The following AGL variants were observed in gnomAD, a reference collection of about 807,000 sequenced individuals.
AGL encodes the protein glycogen debranching enzyme.
Under a neutral mutation model 199.3 loss-of-function variants are expected in AGL, and 128 were observed. That is an observed-to-expected ratio of 0.64 (90% CI 0.56 to 0.74). The LOEUF (loss-of-function observed/expected upper bound fraction) is 0.74, where lower values mean the gene tolerates loss of function less well. Among genes scored for constraint, AGL ranks in the 30% least tolerant of loss-of-function variants. AGL has a pLI of 0.00. For synonymous variants in AGL, 584 were observed against 594.7 expected (o/e 0.98, Z 0.26); for missense variants, 1,809 against 1,820.8 (o/e 0.99, Z 0.12).
rs780694207 is a variant in AGL, at chr1:99,864,520, C to T, written c.595C>T (p.Gln199Ter). The T allele has an allele frequency of 9.9e-6, 16 of 1,613,728 alleles. No individual in the cohort carries two copies. The highest frequency in any genetic ancestry group is 1.3e-5 in the Non-Finnish European group (15 of 1,179,814). ...AAAGTATACCTGGAATGATGTTGGA[C>T]AGCTAGTGGAAAAATTAAAAAAGGA... The part of the protein sequence containing the change: ...NRKYTWNDVG[Q>*]LVEKLKKEWN... Residue 199 changes from glutamine (Q) to a stop codon, truncating the protein, a stop_gained, in exon 5 of 34, where the codon CAG becomes TAG. Coordinates refer to ENST00000361915, the MANE Select transcript of AGL (RefSeq NM_000642.3). LOFTEE classifies it high-confidence loss of function.
intron 27 of AGL, among the ~76,000 whole-genome samples, chr1:99,907,249 C>A (rs1282052041): frequency 6.6e-6 from 1 of 152,096 alleles, no homozygotes; most frequent in African/African-American, 2.4e-5. Context: ...CTTATATATT[C>A]TGGATATTAA....
intron 20 of AGL, among the ~76,000 whole-genome samples, chr1:99,885,512 C>T (rs897745528): frequency 5.3e-5 from 8 of 152,108 alleles, no homozygotes; most frequent in Non-Finnish European, 1.2e-4. Flanking sequence ...CTGTTAGGAA[C>T]CAGGCCGCAC....
intron 7 of AGL, among the ~76,000 whole-genome samples, chr1:99,871,718 T>G (rs1010436353): frequency 2.0e-5 from 3 of 152,196 alleles, no homozygotes; most frequent in Non-Finnish European, 4.4e-5. Context: ...TTTTTAATAT[T>G]AACTTTTCTC....
chr1:99,875,503 T>G, intron 10 of AGL, 48 bp downstream of exon 10: 1 of 1,484,306 alleles, frequency 6.7e-7, no homozygotes, highest in South Asian at 1.1e-5. Context: ...AAACTGAAAA[T>G]TGTATTTAAC....
At position 99,909,799 on chromosome 1, in the gene AGL, TAAGAG is replaced by T. The variant is rs141144819; in HGVS notation, c.3701-911_3701-907del. ...TATGCTCAGGGATTTTCATTGTACT[TAAGAG>T]AGGAAGATCAGGGAAAAATGAGTCT... On this transcript the variant is annotated intron_variant, in intron 27 of 33. Coordinates refer to ENST00000361915, the MANE Select transcript of AGL (RefSeq NM_000642.3). 5.7e-3 allele frequency among the ~76,000 whole-genome samples: 861 copies of T among 152,290 alleles called. 6 individuals are homozygous for T. The highest frequency in any genetic ancestry group is 0.035 in the East Asian group (180 of 5,188).
At position 99,892,596 on chromosome 1, in the gene AGL, C is replaced by T. The variant is rs1308173889; in HGVS notation, c.3248C>T (p.Ser1083Phe). 1.2e-6 allele frequency: 2 copies of T among 1,613,310 alleles called. No individual in the cohort carries two copies. Among genetic ancestry groups the T allele is most frequent in the East Asian group, 4.5e-5 (2 of 44,798 alleles). ...AAAGAAAAGGAGCAATGTTGTGTTTCTCTAGCTGCAGGTAAGGAATTATGT... is the reference window on the plus strand; with the variant it reads ...AAAGAAAAGGAGCAATGTTGTGTTTTTCTAGCTGCAGGTAAGGAATTATGT... The part of the protein sequence containing the change: ...ITKEKEQCCV[S>F]LAAGLPHFSS... The change falls in exon 24 of 34, where the codon TCT becomes TTT. Residue 1083 changes from serine to phenylalanine, a missense_variant. Coordinates refer to ENST00000361915, the MANE Select transcript of AGL (RefSeq NM_000642.3).
chr1:99,891,778 G>A, intron 23 of AGL, 39 bp downstream of exon 23: 1 of 1,608,916 alleles, frequency 6.2e-7, no homozygotes, highest in Non-Finnish European at 8.5e-7. Flanking sequence ...GCATATCTGT[G>A]TTGAAACTAT....
chr1:99,902,616 C>T (rs1426905683), intron 26 of AGL, 67 bp from the exon 27 acceptor site: 7 of 1,257,794 alleles, frequency 5.6e-6, no homozygotes, highest in African/African-American at 4.4e-5. Flanking sequence ...CTTCAGTTGT[C>T]GGATTTGGGG....
chr1:99,894,137 A>G (rs552542447), intron 24 of AGL, among the ~76,000 whole-genome samples: 1 of 152,040 alleles, frequency 6.6e-6, no homozygotes, highest in African/African-American at 2.4e-5. Flanking sequence ...GCAGTGAGCT[A>G]TGATCACACC....
chr1:99,861,688 T>A lies in AGL; in HGVS notation c.268T>A (p.Ser90Thr). The A allele has an allele frequency of 6.2e-7, 1 of 1,613,738 alleles. No homozygotes were observed. Among genetic ancestry groups the A allele is most frequent in the South Asian group, 1.1e-5 (1 of 91,060 alleles). Residue 90 changes from serine (S) to threonine (T), a missense_variant, in exon 3 of 34, where the codon TCA becomes ACA. By Grantham distance (58) the Ser-to-Thr change is moderately conservative. Coordinates refer to ENST00000361915, the MANE Select transcript of AGL (RefSeq NM_000642.3). The part of the protein sequence containing the change: ...YCKLNLQQSG[S>T]FQYYFLQGNE... Reference sequence around the variant, plus strand: ...TAAACTTAATCTGCAACAATCTGGTTCATTTCAGTATTATTTCCTTCAAGG... The same window carrying A: ...TAAACTTAATCTGCAACAATCTGGTACATTTCAGTATTATTTCCTTCAAGG...
intron 29 of AGL, among the ~76,000 whole-genome samples, chr1:99,912,856 T>C (rs1005797502): frequency 1.3e-5 from 2 of 152,206 alleles, no homozygotes; most frequent in Admixed American, 1.3e-4. Context: ...GTGAACCACA[T>C]ACATAATTTT....
intron 2 of AGL, among the ~76,000 whole-genome samples, chr1:99,858,393 A>G (rs1649754998): frequency 6.6e-6 from 1 of 152,240 alleles, no homozygotes; most frequent in African/African-American, 2.4e-5. Flanking sequence ...AGTTTGGCAC[A>G]TATTTTCCTG....
At chr1:99,877,583 A>G in intron 11 of AGL, 58 bp from the exon 12 acceptor site, 1 of 1,503,632 alleles carries the variant, frequency 6.7e-7, no homozygotes, top group Non-Finnish European at 9.2e-7. Flanking sequence ...TGTTTCCTTG[A>G]AGTAATTGTT....
At chr1:99,859,793 C>T (rs535823882) in intron 2 of AGL, among the ~76,000 whole-genome samples, 3 of 152,288 alleles carry the variant, frequency 2.0e-5, no homozygotes, top group African/African-American at 4.8e-5. Context: ...CCTCTCGCCT[C>T]GGCCTCCCAG....
Position 99,881,628 on chromosome 1 carries a change from A to G in AGL, c.2245A>G (p.Thr749Ala). Residue 749 changes from threonine to alanine, a missense_variant, in exon 17 of 34, where the codon ACT becomes GCT. By Grantham distance (58) the Thr-to-Ala change is moderately conservative (BLOSUM62 0). Transcript: ENST00000361915. ...TCAGTCTGTTGTGGCTGTATCTAGA[A>G]CTGCTTTCAGGAATCCCAAGACTTC... The part of the protein sequence containing the change: ...IHQSVVAVSR[T>A]AFRNPKTSFY... 6.2e-7 allele frequency: 1 copy of G among 1,613,994 alleles called. No individual in the cohort carries two copies. Among genetic ancestry groups the G allele is most frequent in the Non-Finnish European group, 8.5e-7 (1 of 1,179,946 alleles).
At chr1:99,889,045 T>C (rs1362371054) in intron 21 of AGL, among the ~76,000 whole-genome samples, 1 of 151,896 alleles carries the variant, frequency 6.6e-6, no homozygotes, top group African/African-American at 2.4e-5. Flanking sequence ...CTGGGTTACA[T>C]TGACTAGTTT....
chr1:99,853,489 CCTTT>C (rs1275982559), intron 2 of AGL, among the ~76,000 whole-genome samples: 1 of 152,214 alleles, frequency 6.6e-6, no homozygotes, highest in Non-Finnish European at 1.5e-5. Flanking sequence ...CTGTCTGCTT[CCTTT>C]GATTTCCAAT....
chr1:99,863,182 C>T (rs1650211232), intron 4 of AGL, among the ~76,000 whole-genome samples: 1 of 152,028 alleles, frequency 6.6e-6, no homozygotes, highest in African/African-American at 2.4e-5. Context: ...TCGTGATCTG[C>T]CCACCTTGGC....
chr1:99,908,369 C>G (rs1654483928), intron 27 of AGL, among the ~76,000 whole-genome samples: 2 of 152,250 alleles, frequency 1.3e-5, no homozygotes, highest in South Asian at 4.1e-4. Context: ...CCATAGGCCT[C>G]TGTGTCTGTC....
Sources: gnomAD v4.1 joint callset for allele counts (sites outside exome capture counted in the v4.1 genomes callset) on GRCh38, gnomAD v4.1.1 for gene constraint, MANE v1.5 for transcripts, NCBI Gene and HGNC (gene_info 2026-07-23, HGNC 2026-07-21) for gene names.